EPHA5: variants seen among roughly 807,000 people sequenced by gnomAD.
EPHA5 encodes the protein ephrin type-A receptor 5.
In EPHA5, 60 loss-of-function variants were observed where a neutral mutation model predicts 105.0. The observed-to-expected ratio is 0.57, with a 90% confidence interval of 0.46 to 0.71. EPHA5 has a LOEUF of 0.71. Among genes scored for constraint, EPHA5 ranks in the 30% least tolerant of loss-of-function variants. EPHA5 has a pLI of 0.00. For missense variants in EPHA5, 1,218 were observed against 1,274.7 expected (o/e 0.96, Z 0.68); for synonymous variants, 513 against 449.1 (o/e 1.14, Z -1.80).
chr4:65,592,941 A>C (rs1020445580), intron 3 of EPHA5, among the ~76,000 whole-genome samples: 2 of 152,182 alleles, frequency 1.3e-5, no homozygotes. Flanking sequence ...ATGCTAAATC[A>C]TGTGAGAAAC....
At chr4:65,449,662 G>A (rs1477258868) in intron 5 of EPHA5, among the ~76,000 whole-genome samples, 4 of 152,208 alleles carry the variant, frequency 2.6e-5, no homozygotes, top group East Asian at 3.9e-4. Flanking sequence ...CCCATTACTC[G>A]TGAAGTTGAC....
At chr4:65,565,473 C>T (rs1014956596) in intron 3 of EPHA5, among the ~76,000 whole-genome samples, 18 of 151,440 alleles carry the variant, frequency 1.2e-4, no homozygotes, top group African/African-American at 3.9e-4. Flanking sequence ...TAAGAGATTT[C>T]CAATAAGGCT....
At chr4:65,422,433 C>G (rs1286243520) in intron 5 of EPHA5, among the ~76,000 whole-genome samples, 1 of 152,042 alleles carries the variant, frequency 6.6e-6, no homozygotes, top group East Asian at 1.9e-4. Flanking sequence ...TCACTGATAC[C>G]TTTTGCCCAT....
intron 5 of EPHA5, among the ~76,000 whole-genome samples, chr4:65,489,889 G>A (rs919863606): frequency 2.0e-5 from 3 of 152,068 alleles, no homozygotes; most frequent in African/African-American, 7.2e-5. Context: ...TTCATTGCAT[G>A]CATTTTTGCT....
At chr4:65,520,128 T>G (rs1734536871) in intron 3 of EPHA5, among the ~76,000 whole-genome samples, 1 of 152,142 alleles carries the variant, frequency 6.6e-6, no homozygotes, top group South Asian at 2.1e-4. Flanking sequence ...CTTCAAATTA[T>G]ACTACAAGGC....
At chr4:65,435,323 A>G (rs1262205304) in intron 5 of EPHA5, among the ~76,000 whole-genome samples, 5 of 152,158 alleles carry the variant, frequency 3.3e-5, no homozygotes, top group African/African-American at 1.2e-4. Flanking sequence ...GAGTCCATAC[A>G]TATGGGCTAA....
At chr4:65,324,276 A>G in intron 16 of EPHA5, 57 bp from the exon 17 acceptor site, 4 of 1,244,906 alleles carry the variant, frequency 3.2e-6, no homozygotes, top group Non-Finnish European at 4.7e-6. Flanking sequence ...ACACCTCAAT[A>G]TTTCATGTTG....
chr4:65,463,005 T>C (rs1222695136), intron 5 of EPHA5, among the ~76,000 whole-genome samples: 1 of 152,204 alleles, frequency 6.6e-6, no homozygotes, highest in Admixed American at 6.5e-5. Context: ...CTTCAGAATA[T>C]AACTTAAGCT....
chr4:65,334,790 T>C (rs761734938), intron 15 of EPHA5, among the ~76,000 whole-genome samples: 11 of 150,912 alleles, frequency 7.3e-5, no homozygotes, highest in Non-Finnish European at 1.2e-4. Flanking sequence ...TATAAATTAA[T>C]ATAATTTAGA....
intron 3 of EPHA5, among the ~76,000 whole-genome samples, chr4:65,578,629 C>A (rs562687974): frequency 1.2e-4 from 19 of 152,206 alleles, no homozygotes; most frequent in African/African-American, 3.1e-4. Context: ...TAAAAAGAAA[C>A]CTTTAATTTT....
intron 16 of EPHA5, among the ~76,000 whole-genome samples, chr4:65,326,614 G>A (rs1720104468): frequency 6.6e-6 from 1 of 151,200 alleles, no homozygotes; most frequent in South Asian, 2.1e-4. Context: ...TAGCAAACTG[G>A]ATCACAGCCA....
At chr4:65,473,714 T>G (rs10002114) in intron 5 of EPHA5, among the ~76,000 whole-genome samples, 9,153 of 152,092 alleles carry the variant, frequency 0.06, 496 homozygotes, top group African/African-American at 0.14. Context: ...GGGACACAGA[T>G]CCAAACCATA....
chr4:65,566,959 T>C (rs1209264478), intron 3 of EPHA5, among the ~76,000 whole-genome samples: 1 of 151,610 alleles, frequency 6.6e-6, no homozygotes, highest in Admixed American at 6.6e-5. Flanking sequence ...GGTCAACCTC[T>C]TATAGGTCTT....
At chr4:65,600,979 A>G (rs561093115) in intron 3 of EPHA5, among the ~76,000 whole-genome samples, 134 of 152,234 alleles carry the variant, frequency 8.8e-4, no homozygotes, top group African/African-American at 3.1e-3. Context: ...AAAATCCCCC[A>G]GGGCAAATTG....
At chr4:65,601,588 A>T in intron 3 of EPHA5, 53 bp downstream of exon 3, 1 of 1,526,980 alleles carries the variant, frequency 6.5e-7, no homozygotes, top group Admixed American at 1.8e-5. Flanking sequence ...AAATACATAT[A>T]CATGATCCAA....
At chr4:65,385,930 A>G (rs1720037718) in intron 8 of EPHA5, among the ~76,000 whole-genome samples, 1 of 151,904 alleles carries the variant, frequency 6.6e-6, no homozygotes, top group South Asian at 2.1e-4. Flanking sequence ...CATAGACAAA[A>G]TAATACCCGT....
chr4:65,455,436 G>T (rs149461293), intron 5 of EPHA5, among the ~76,000 whole-genome samples: 51 of 152,116 alleles, frequency 3.4e-4, no homozygotes, highest in African/African-American at 1.2e-3. Context: ...TAGTTCTTGA[G>T]AATACTTATC....
intron 6 of EPHA5, 122 bp downstream of exon 6, chr4:65,420,319 G>T: frequency 1.0e-6 from 1 of 961,888 alleles, no homozygotes; most frequent in Non-Finnish European, 1.5e-6. Flanking sequence ...TATGACTGCA[G>T]AATCAATTGT....
intron 5 of EPHA5, among the ~76,000 whole-genome samples, chr4:65,490,028 T>A (rs1473254437): frequency 6.6e-6 from 1 of 152,120 alleles, no homozygotes; most frequent in South Asian, 2.1e-4. Flanking sequence ...TTTTTAAAAA[T>A]TAAAGGAAAC....
Sources: gnomAD v4.1 joint callset for allele counts (sites outside exome capture counted in the v4.1 genomes callset) on GRCh38, gnomAD v4.1.1 for gene constraint, MANE v1.5 for transcripts, NCBI Gene and HGNC (gene_info 2026-07-23, HGNC 2026-07-21) for gene names.